STRBP: variants seen among roughly 807,000 people sequenced by gnomAD.
STRBP encodes spermatid perinuclear RNA-binding protein.
STRBP carries 13 observed loss-of-function variants against 80.1 expected under a neutral mutation model. The ratio of observed to expected loss-of-function variants is 0.16; its 90% CI spans 0.11 to 0.26. The LOEUF (loss-of-function observed/expected upper bound fraction) is 0.26, where lower values mean the gene tolerates loss of function less well. Ranked by LOEUF, STRBP falls within the 10% of genes least tolerant of loss-of-function variation. The probability of loss-of-function intolerance (pLI) is 1.00; values close to 1 mark genes in which losing one functional copy is unlikely to be tolerated. For missense variants in STRBP, 485 were observed against 815.2 expected, an observed-to-expected ratio of 0.59 and a Z score of 4.93; for synonymous variants, 284 against 291.2, an observed-to-expected ratio of 0.98 and a Z score of 0.25.
At chr9:123,112,769 C>T (rs1455427505) in intron 3 of STRBP, 1 of 167,142 alleles carries the variant, frequency 6.0e-6, no homozygotes, top group Non-Finnish European at 1.5e-5. Flanking sequence ...CTCTGCTTCT[C>T]TGAGGCCTGC....
At chr9:123,141,530 G>A (rs372354875) in intron 13 of STRBP, among the ~76,000 whole-genome samples, 2 of 152,110 alleles carry the variant, frequency 1.3e-5, no homozygotes, top group African/African-American at 2.4e-5. Flanking sequence ...CTATCATTCC[G>A]AATTAACACT....
At chr9:123,120,595 A>G (rs531101485), downstream of STRBP, among the ~76,000 whole-genome samples, 1 of 151,894 alleles carries the variant, frequency 6.6e-6, no homozygotes, top group Non-Finnish European at 1.5e-5. Context: ...GAAATCTAGG[A>G]AACAGGGAAA....
downstream of STRBP, among the ~76,000 whole-genome samples, chr9:123,120,126 A>G (rs2035706267): frequency 6.6e-6 from 1 of 152,122 alleles, no homozygotes; most frequent in African/African-American, 2.4e-5. Flanking sequence ...TGCTCTGTAA[A>G]TAAGGGCTAG....
At position 123,123,080 on chromosome 9, in the gene STRBP, C is replaced by T; in HGVS notation, c.*2517G>A. On this transcript the variant is annotated 3_prime_UTR_variant, in exon 19 of 19. Transcript: ENST00000348403. ...TGTCACATTGCTCTTAAGACCAAGA[C>T]ATAGAAATTGCCATTTCAAGCCAGA... is the stretch of plus-strand genomic sequence containing the variant. The T allele has an allele frequency of 1.0e-6, 1 of 985,392 alleles. No homozygotes were observed. Among genetic ancestry groups the T allele is most frequent in the Non-Finnish European group, 1.2e-6 (1 of 829,936 alleles). The allele number at this position is 985,392 out of a possible 1,614,324, so 61.0% of individuals were successfully genotyped here.
intron 2 of STRBP, among the ~76,000 whole-genome samples, chr9:123,199,710 C>T (rs529652854): frequency 2.0e-5 from 3 of 152,252 alleles, no homozygotes; most frequent in East Asian, 1.9e-4. Flanking sequence ...GCAGTGCTAT[C>T]GATTTGTGTA....
intron 2 of STRBP, among the ~76,000 whole-genome samples, chr9:123,233,571 GATA>G (rs1443779794): frequency 1.3e-5 from 2 of 152,220 alleles, no homozygotes; most frequent in African/African-American, 4.8e-5. Flanking sequence ...GTTAATGAAA[GATA>G]ATGTTAATTG....
intron 11 of STRBP, among the ~76,000 whole-genome samples, chr9:123,156,336 C>T (rs960293029): frequency 1.3e-5 from 2 of 151,916 alleles, no homozygotes; most frequent in African/African-American, 4.8e-5. Context: ...AAGAAAATGG[C>T]CTTCATTCCT....
intron 4 of STRBP, 122 bp from the exon 5 acceptor site, chr9:123,173,964 A>G (rs922583536): frequency 9.5e-7 from 1 of 1,056,632 alleles, no homozygotes; most frequent in South Asian, 1.8e-5. Context: ...CCAGACATCC[A>G]AGTATCCACA....
chr9:123,171,806 G>A lies in STRBP; in HGVS notation c.391-1760C>T, dbSNP rs532042805. ...CAGACAGCATTTCGAAGACCTAAAGGTATTTATATCTTTTTTAGTTTCTTT... is the reference window on the plus strand; with the variant it reads ...CAGACAGCATTTCGAAGACCTAAAGATATTTATATCTTTTTTAGTTTCTTT... On this transcript the variant is annotated intron_variant, in intron 5 of 18. Transcript: ENST00000348403. Among the ~76,000 whole-genome samples the A allele has an allele frequency of 7.9e-5, 12 of 152,222 alleles. No homozygotes were observed. In the South Asian group the frequency reaches 2.1e-3, roughly 26 times the overall value.
In STRBP at chr9:123,124,335, A is replaced by C; in HGVS notation, c.*1262T>G. 1.0e-6 allele frequency: 1 copy of C among 985,448 alleles called. No individual in the cohort carries two copies. Among genetic ancestry groups the C allele is most frequent in the Non-Finnish European group, 1.2e-6 (1 of 829,942 alleles). The allele number at this position is 985,448 out of a possible 1,614,324, so 61.0% of individuals were successfully genotyped here. A position where few individuals can be genotyped will look rare whatever the true frequency, so the allele number is the denominator to read the frequency against. ...GGTGAGTACCTTAATGAAACCATTG[A>C]CCTAGTAACATCATTGGCTTTCCAA... On this transcript the variant is annotated 3_prime_UTR_variant, in exon 19 of 19. Transcript: ENST00000348403.
chr9:123,147,680 A>AT, intron 12 of STRBP, 98 bp downstream of exon 12: 1 of 639,198 alleles, frequency 1.6e-6, no homozygotes, highest in Non-Finnish European at 2.2e-6. Context: ...CCGATCTCAA[A>AT]AAAAAAAAAA....
chr9:123,249,712 C>T (rs915995122), intron 1 of STRBP, among the ~76,000 whole-genome samples: 1 of 152,208 alleles, frequency 6.6e-6, no homozygotes. Flanking sequence ...AACCGAGTCA[C>T]TCCTTTTAGC....
At chr9:123,204,967 A>G (rs1180828804) in intron 2 of STRBP, among the ~76,000 whole-genome samples, 1 of 150,506 alleles carries the variant, frequency 6.6e-6, no homozygotes, top group African/African-American at 2.4e-5. Flanking sequence ...AAAAAAAAAA[A>G]GAATTCAAAT....
At chr9:123,246,806 C>T (rs760106316) in intron 1 of STRBP, among the ~76,000 whole-genome samples, 14 of 152,142 alleles carry the variant, frequency 9.2e-5, no homozygotes, top group Non-Finnish European at 1.6e-4. Context: ...CTCAAAAAAG[C>T]TTTGTAAGCC....
intron 2 of STRBP, among the ~76,000 whole-genome samples, chr9:123,224,755 T>G (rs2040181255): frequency 6.6e-6 from 1 of 152,240 alleles, no homozygotes; most frequent in Non-Finnish European, 1.5e-5. Flanking sequence ...AACTTACATG[T>G]ACTGCTGGTA....
rs144341709 is a variant in STRBP at position 123,154,686 on chromosome 9, G to C, written c.1045+3326C>G. Among the ~76,000 whole-genome samples, 624 of 152,330 alleles carry C rather than the reference G, an allele frequency of 4.1e-3. 2 individuals carry two copies. Among genetic ancestry groups the C allele is most frequent in the Non-Finnish European group, 6.7e-3 (454 of 68,030 alleles). ...ATCAAATGTTGCTGAAAATGGCTAA[G>C]ATGAGGACTGAAAACTAACCAGTGA... On this transcript the variant is annotated intron_variant, in intron 11 of 18. Coordinates refer to ENST00000348403, the MANE Select transcript of STRBP (RefSeq NM_018387.5).
chr9:123,234,874 C>G (rs1356874501), intron 2 of STRBP, among the ~76,000 whole-genome samples: 1 of 151,784 alleles, frequency 6.6e-6, no homozygotes, highest in East Asian at 1.9e-4. Context: ...GCAGGAGACT[C>G]GCTTGAACCT....
chr9:123,252,765 G>A (rs1456386902), intron 1 of STRBP, among the ~76,000 whole-genome samples: 1 of 152,112 alleles, frequency 6.6e-6, no homozygotes, highest in East Asian at 1.9e-4. Context: ...TTTGTCCAAA[G>A]TAGCCAGAGA....
chr9:123,223,775 TCTTAGTATTTA>T (rs1308130333), intron 2 of STRBP, among the ~76,000 whole-genome samples: 2 of 152,184 alleles, frequency 1.3e-5, no homozygotes, highest in Non-Finnish European at 2.9e-5. Flanking sequence ...AAATCTTGAT[TCTTAGTATTTA>T]TTTATATTCA....
Sources: allele counts gnomAD v4.1 joint callset (sites outside exome capture counted in the v4.1 genomes callset), GRCh38; gene constraint gnomAD v4.1.1; transcripts MANE v1.5; gene names NCBI Gene and HGNC (gene_info 2026-07-23, HGNC 2026-07-21).